The following RPL26L1 variants were observed in gnomAD, a reference collection of about 807,000 sequenced individuals.
RPL26L1 encodes the protein ribosomal protein uL24-like.
A neutral mutation model predicts 15.2 loss-of-function variants in RPL26L1; 8 were observed. The observed-to-expected ratio is 0.53, with a 90% CI of 0.31 to 0.95. The LOEUF is 0.95. RPL26L1 is among the 40% of genes least tolerant of loss of function. RPL26L1 has a pLI of 0.05. For missense variants in RPL26L1, 146 were observed against 190.9 expected (o/e 0.76, Z 1.39); for synonymous variants, 51 against 65.9 (o/e 0.77, Z 1.09).
chr5:172,965,946 A>G (rs919471085), intron 2 of RPL26L1, among the ~76,000 whole-genome samples: 12 of 152,138 alleles, frequency 7.9e-5, no homozygotes, highest in African/African-American at 2.7e-4. Context: ...GGCTTCCCCT[A>G]TGATCTCTGC....
At position 172,968,614 on chromosome 5, in the gene RPL26L1, T is replaced by A; in HGVS notation, c.309+15T>A. ...ACCCAAGCAAGGTATGGTCAAGGACTGAGTGGCAGTAGCAGCCATGGAGTG... is the reference window on the plus strand; with the variant it reads ...ACCCAAGCAAGGTATGGTCAAGGACAGAGTGGCAGTAGCAGCCATGGAGTG... On this transcript the variant is annotated intron_variant, in intron 3 of 3. Transcript: ENST00000265100. 1 of 1,613,792 alleles carries A rather than the reference T, an allele frequency of 6.2e-7. No individual in the cohort carries two copies. Among genetic ancestry groups the A allele is most frequent in the African/African-American group, 1.3e-5 (1 of 75,026 alleles).
chr5:172,958,081 A>G (rs1018179464), upstream of RPL26L1: 7 of 289,042 alleles, frequency 2.4e-5, no homozygotes, highest in African/African-American at 1.5e-4. Context: ...CCTGACCAAC[A>G]TGGAGAAACC....
upstream of RPL26L1, chr5:172,955,007 AG>A (rs1443898882): frequency 2.2e-6 from 1 of 455,712 alleles, no homozygotes; most frequent in African/African-American, 2.0e-5. Context: ...GTGCTTCGTG[AG>A]GAGAGAAGCT....
chr5:172,958,031 G>A, upstream of RPL26L1: 1 of 245,298 alleles, frequency 4.1e-6, no homozygotes. Context: ...TTGGGAGGCC[G>A]AGGCGGGAGA....
chr5:172,964,438 A>G (rs1377442717), intron 2 of RPL26L1, among the ~76,000 whole-genome samples: 1 of 151,578 alleles, frequency 6.6e-6, no homozygotes, highest in African/African-American at 2.4e-5. Flanking sequence ...GGCACACACC[A>G]CCATGCCTGG....
At chr5:172,969,158 C>T (rs1390611122) in intron 3 of RPL26L1, among the ~76,000 whole-genome samples, 1 of 152,098 alleles carries the variant, frequency 6.6e-6, no homozygotes, top group Non-Finnish European at 1.5e-5. Context: ...TTCTAGGCAT[C>T]ACTTCCCCTA....
At chr5:172,954,142 A>G (rs1764300432), upstream of RPL26L1, among the ~76,000 whole-genome samples, 1 of 152,212 alleles carries the variant, frequency 6.6e-6, no homozygotes, top group African/African-American at 2.4e-5. Flanking sequence ...GGGAACTATT[A>G]GTTAAACCAA....
chr5:172,967,808 C>T (rs1476227396), intron 2 of RPL26L1, among the ~76,000 whole-genome samples: 3 of 150,552 alleles, frequency 2.0e-5, no homozygotes, highest in Non-Finnish European at 4.4e-5. Context: ...GTATATATGA[C>T]ATATAAGTAC....
chr5:172,968,772 T>G (rs1275905344), intron 3 of RPL26L1, among the ~76,000 whole-genome samples, 173 bp downstream of exon 3: 2 of 151,332 alleles, frequency 1.3e-5, no homozygotes, highest in African/African-American at 4.8e-5. Flanking sequence ...TCTTCTCTTT[T>G]CTGTTTTGCC....
intron 3 of RPL26L1, 80 bp from the exon 4 acceptor site, chr5:172,969,333 T>C (rs1242469539): frequency 6.9e-7 from 1 of 1,446,836 alleles, no homozygotes; most frequent in Non-Finnish European, 9.5e-7. Flanking sequence ...GGCTGAGGTC[T>C]TACTTAACTT....
chr5:172,959,998 A>G lies in RPL26L1; in HGVS notation c.125A>G (p.Tyr42Cys). The part of the protein sequence containing the change: ...SPLSKELRQK[Y>C]NVRSMPIRKD... ...CTCTCCAAGGAGCTGCGGCAGAAGT[A>G]CAATGTCCGCTCCATGCCCATCCGC... Residue 42 changes from tyrosine to cysteine, a missense_variant, in exon 2 of 4, where the codon TAC (tyrosine) becomes TGC (cysteine). By Grantham distance (194) the Tyr-to-Cys change is radical. Transcript: ENST00000265100. 6.2e-7 allele frequency: 1 copy of G among 1,614,208 alleles called. No homozygotes were observed. The highest frequency in any genetic ancestry group is 8.5e-7 in the Non-Finnish European group (1 of 1,180,042).
chr5:172,964,632 C>T (rs1284116467), intron 2 of RPL26L1, among the ~76,000 whole-genome samples: 1 of 152,156 alleles, frequency 6.6e-6, no homozygotes, highest in East Asian at 1.9e-4. Context: ...ATTGTTTCAG[C>T]CAAAGGCCAT....
At chr5:172,959,262 C>A, upstream of RPL26L1, 2 of 444,458 alleles carry the variant, frequency 4.5e-6, no homozygotes, top group Non-Finnish European at 6.0e-6. Context: ...CTACCGCAGG[C>A]CCTACACAAG....
chr5:172,960,290 T>G (rs1408392101), intron 2 of RPL26L1, among the ~76,000 whole-genome samples: 1 of 152,172 alleles, frequency 6.6e-6, no homozygotes, highest in Non-Finnish European at 1.5e-5. Flanking sequence ...GCTTTTTTGT[T>G]TGTTTTGTAG....
chr5:172,968,649 T>C (rs754833955), intron 3 of RPL26L1, 50 bp downstream of exon 3: 193 of 1,609,530 alleles, frequency 1.2e-4, no homozygotes, highest in Non-Finnish European at 1.6e-4. Flanking sequence ...GTGTCAATAC[T>C]GTTCAAAGTT....
At chr5:172,964,387 G>A (rs1755371984) in intron 2 of RPL26L1, among the ~76,000 whole-genome samples, 1 of 150,316 alleles carries the variant, frequency 6.7e-6, no homozygotes, top group Admixed American at 6.7e-5. Flanking sequence ...CCGGGTTCAA[G>A]CCATTCTCCT....
At chr5:172,962,423 G>A (rs558918592) in intron 2 of RPL26L1, among the ~76,000 whole-genome samples, 13 of 152,092 alleles carry the variant, frequency 8.5e-5, no homozygotes, top group East Asian at 1.9e-4. Context: ...CATGACAATC[G>A]CTTGAACCCG....
intron 1 of RPL26L1, 123 bp downstream of exon 1, chr5:172,959,591 T>G: frequency 1.6e-6 from 2 of 1,223,362 alleles, no homozygotes; most frequent in Non-Finnish European, 2.1e-6. Context: ...GACCACCCAT[T>G]CCTGCCTAAC....
upstream of RPL26L1, chr5:172,958,548 G>A (rs1755074661): frequency 2.5e-6 from 1 of 397,522 alleles, no homozygotes; most frequent in African/African-American, 2.0e-5. Flanking sequence ...AGAGAGTCGA[G>A]ACCCAGAGCC....
Sources: gnomAD v4.1 joint callset for allele counts (sites outside exome capture counted in the v4.1 genomes callset) on GRCh38, gnomAD v4.1.1 for gene constraint, MANE v1.5 for transcripts, NCBI Gene and HGNC (gene_info 2026-07-23, HGNC 2026-07-21) for gene names.